Variants in MBOAT1 observed in about 807,000 individuals in gnomAD.
MBOAT1 encodes the protein membrane bound glycerophospholipid O-acyltransferase 1, also known as membrane-bound glycerophospholipid O-acyltransferase 1.
Under a neutral mutation model 64.4 loss-of-function variants are expected in MBOAT1, and 67 were observed. The observed-to-expected ratio is 1.04, with a 90% confidence interval of 0.85 to 1.27. MBOAT1 has a LOEUF of 1.27. MBOAT1 is among the 50% of genes most tolerant of loss of function. The pLI is 0.00. For missense variants in MBOAT1, 563 were observed against 604.6 expected (o/e 0.93, Z 0.72); for synonymous variants, 229 against 218.9 (o/e 1.05, Z -0.41).
intron 1 of MBOAT1, among the ~76,000 whole-genome samples, chr6:20,208,146 G>C (rs1431971826): frequency 6.6e-6 from 1 of 152,148 alleles, no homozygotes; most frequent in Non-Finnish European, 1.5e-5. Context: ...GATCCAGGTA[G>C]GTAAAGAAAC....
At chr6:20,166,470 C>T (rs1018964905) in intron 1 of MBOAT1, among the ~76,000 whole-genome samples, 2 of 152,132 alleles carry the variant, frequency 1.3e-5, no homozygotes, top group African/African-American at 4.8e-5. Context: ...ACTGAGCAGG[C>T]CCAGCTCAGG....
chr6:20,199,197 C>T (rs1044699028), intron 1 of MBOAT1, among the ~76,000 whole-genome samples: 3 of 152,118 alleles, frequency 2.0e-5, no homozygotes, highest in Non-Finnish European at 4.4e-5. Context: ...CTGCTTGATT[C>T]GGGAATCATT....
intron 1 of MBOAT1, among the ~76,000 whole-genome samples, chr6:20,162,052 C>A (rs1761881228): frequency 6.6e-6 from 1 of 152,104 alleles, no homozygotes; most frequent in Non-Finnish European, 1.5e-5. Flanking sequence ...GTCCTAATCT[C>A]TTCTTACAAG....
intron 1 of MBOAT1, among the ~76,000 whole-genome samples, chr6:20,209,982 T>C (rs1329977462): frequency 1.3e-5 from 2 of 152,218 alleles, no homozygotes; most frequent in Non-Finnish European, 2.9e-5. Context: ...GCCCCCTACT[T>C]CTGATCTCAG....
intron 1 of MBOAT1, among the ~76,000 whole-genome samples, chr6:20,158,498 A>G (rs1182143378): frequency 6.6e-6 from 1 of 152,214 alleles, no homozygotes; most frequent in Non-Finnish European, 1.5e-5. Flanking sequence ...CGAAAACTAC[A>G]TGACACAGGA....
intron 1 of MBOAT1, among the ~76,000 whole-genome samples, chr6:20,153,816 C>T (rs1250433200): frequency 6.6e-6 from 1 of 152,116 alleles, no homozygotes; most frequent in Non-Finnish European, 1.5e-5. Flanking sequence ...TTAAACATTT[C>T]CTGAAATCTA....
chr6:20,191,997 T>C (rs1762815184), intron 1 of MBOAT1, among the ~76,000 whole-genome samples: 1 of 152,220 alleles, frequency 6.6e-6, no homozygotes, highest in Non-Finnish European at 1.5e-5. Context: ...AGTTGGAAAA[T>C]AAGTAAACAT....
intron 4 of MBOAT1, among the ~76,000 whole-genome samples, chr6:20,132,616 G>A (rs1045344149): frequency 2.0e-5 from 3 of 152,140 alleles, no homozygotes; most frequent in Non-Finnish European, 4.4e-5. Flanking sequence ...GCTAAAACAA[G>A]AGAACCCTTA....
At chr6:20,164,330 A>G (rs1761952916) in intron 1 of MBOAT1, among the ~76,000 whole-genome samples, 1 of 152,076 alleles carries the variant, frequency 6.6e-6, no homozygotes. Flanking sequence ...AGAGACTTAC[A>G]AGGTTAAGTG....
rs141519579 is a variant in MBOAT1, at chr6:20,135,154, T to C, written c.420-3955A>G. On this transcript the variant is annotated intron_variant, in intron 4 of 12. Transcript: ENST00000324607. ...GATCCACCATCTGACCAACCTGGAG[T>C]TGGATAGACTCCAGCATGGATGAAG... 4.4e-3 allele frequency among the ~76,000 whole-genome samples: 673 copies of C among 152,046 alleles called. 1 individual carries two copies. The highest frequency in any genetic ancestry group is 0.015 in the African/African-American group (629 of 41,462).
chr6:20,114,528 C>G (rs1176770405), intron 10 of MBOAT1, among the ~76,000 whole-genome samples: 3 of 152,126 alleles, frequency 2.0e-5, no homozygotes. Flanking sequence ...ATTAACCTTC[C>G]TTGACATCTG....
At chr6:20,190,478 A>T (rs1762773680) in intron 1 of MBOAT1, among the ~76,000 whole-genome samples, 1 of 152,188 alleles carries the variant, frequency 6.6e-6, no homozygotes, top group Non-Finnish European at 1.5e-5. Context: ...AAGATAAAGT[A>T]TTTTTACGTT....
intron 4 of MBOAT1, among the ~76,000 whole-genome samples, chr6:20,140,018 T>C (rs1470707527): frequency 6.6e-6 from 1 of 152,184 alleles, no homozygotes; most frequent in African/African-American, 2.4e-5. Context: ...AGCCTTTCCT[T>C]GGAGTGCAGA....
chr6:20,144,271 A>G lies in MBOAT1; in HGVS notation c.368T>C (p.Ile123Thr), dbSNP rs751258056. The G allele has an allele frequency of 3.7e-6, 6 of 1,613,322 alleles. No individual in the cohort carries two copies. Among genetic ancestry groups the G allele is most frequent in the Non-Finnish European group, 2.5e-6 (3 of 1,179,550 alleles). Reference protein sequence around the residue: ...VAMGYLTICHISRIYIFHYGI... With the variant: ...VAMGYLTICHTSRIYIFHYGI... Reference sequence around the variant, plus strand: ...ATAGTGGAAGATGTATATTCGGCTGATGTGGCATATTGTAAGATATCCCAT... The same window carrying G: ...ATAGTGGAAGATGTATATTCGGCTGGTGTGGCATATTGTAAGATATCCCAT... The change falls in exon 4 of 13, where the codon ATC becomes ACC. Residue 123 changes from isoleucine to threonine, a missense_variant. Transcript: ENST00000324607.
At chr6:20,172,659 C>T (rs1762232827) in intron 1 of MBOAT1, among the ~76,000 whole-genome samples, 1 of 151,674 alleles carries the variant, frequency 6.6e-6, no homozygotes, top group Non-Finnish European at 1.5e-5. Context: ...AAAGACAATT[C>T]CAAAGAGGAA....
At chr6:20,156,452 G>A (rs1223690794) in intron 1 of MBOAT1, among the ~76,000 whole-genome samples, 2 of 152,074 alleles carry the variant, frequency 1.3e-5, no homozygotes, top group Non-Finnish European at 1.5e-5. Flanking sequence ...GATGGCCAGC[G>A]GAGTGCTCCA....
In MBOAT1 at chr6:20,101,192, G is replaced by A. The variant is rs1455864256; in HGVS notation, c.*1094C>T. Among the ~76,000 whole-genome samples the A allele has an allele frequency of 1.3e-5, 2 of 152,096 alleles. No homozygotes were observed. The highest frequency in any genetic ancestry group is 1.9e-4 in the East Asian group (1 of 5,194). ...AAAGGCATTCTGCTGCCTTTCTGAG[G>A]CATGAACATTTGGGTGTCTTCTCAA... On this transcript the variant is annotated 3_prime_UTR_variant, in exon 13 of 13. Coordinates refer to ENST00000324607, the MANE Select transcript of MBOAT1 (RefSeq NM_001080480.3).
intron 1 of MBOAT1, among the ~76,000 whole-genome samples, chr6:20,207,681 G>T (rs1327477131): frequency 6.6e-6 from 1 of 152,208 alleles, no homozygotes. Context: ...ACTACAAAGA[G>T]ACTTCAAATT....
At position 20,176,468 on chromosome 6, in the gene MBOAT1, A is replaced by G. The variant is rs138190111; in HGVS notation, c.100-23699T>C. 1.0e-2 allele frequency among the ~76,000 whole-genome samples: 1,518 copies of G among 152,202 alleles called. 30 individuals are homozygous for G. The highest frequency in any genetic ancestry group is 0.035 in the African/African-American group (1,456 of 41,504). On this transcript the variant is annotated intron_variant, in intron 1 of 12. Transcript: ENST00000324607. Reference sequence around the variant, plus strand: ...GATCCAAACCTGAGGTCCACTACCCACCTTCTTCTAGAAAATAGACATATG... The same window carrying G: ...GATCCAAACCTGAGGTCCACTACCCGCCTTCTTCTAGAAAATAGACATATG...
Sources: allele counts gnomAD v4.1 joint callset (sites outside exome capture counted in the v4.1 genomes callset), GRCh38; gene constraint gnomAD v4.1.1; transcripts MANE v1.5; gene names NCBI Gene and HGNC (gene_info 2026-07-23, HGNC 2026-07-21).